Variants in CACNA1C observed in about 807,000 individuals in gnomAD.
CACNA1C encodes the protein voltage-dependent L-type calcium channel subunit alpha-1C.
In CACNA1C, 30 loss-of-function variants were observed where a neutral mutation model predicts 229.0. The ratio of observed to expected loss-of-function variants is 0.13; its 90% CI spans 0.10 to 0.18. The LOEUF is 0.18. Among genes scored for constraint, CACNA1C ranks in the 10% least tolerant of loss-of-function variants. The pLI, the probability that CACNA1C is intolerant of heterozygous loss-of-function variation, is 1.00. For missense variants in CACNA1C, 1,658 were observed against 2,845.0 expected (o/e 0.58, Z 9.49); for synonymous variants, 1,114 against 1,132.5 (o/e 0.98, Z 0.33).
At chr12:2,478,804 T>C (rs1014042394) in intron 5 of CACNA1C, among the ~76,000 whole-genome samples, 1 of 152,158 alleles carries the variant, frequency 6.6e-6, no homozygotes, top group Non-Finnish European at 1.5e-5. Context: ...CTCTCCTCCT[T>C]CTCCCACCTC....
intron 3 of CACNA1C, among the ~76,000 whole-genome samples, chr12:2,431,048 T>C (rs1397397256): frequency 6.6e-6 from 1 of 152,130 alleles, no homozygotes; most frequent in Non-Finnish European, 1.5e-5. Context: ...CGGGTGGCCA[T>C]GGGCAGGGTG....
intron 13 of CACNA1C, among the ~76,000 whole-genome samples, chr12:2,579,400 CT>C (rs1445457861): frequency 6.6e-6 from 1 of 152,034 alleles, no homozygotes; most frequent in Non-Finnish European, 1.5e-5. Flanking sequence ...CTTAAAGTTG[CT>C]GGTTCCCAAC....
chr12:2,454,828 G>A lies in CACNA1C; in HGVS notation c.618-2739G>A, dbSNP rs539513986. 2.0e-5 allele frequency among the ~76,000 whole-genome samples: 3 copies of A among 152,282 alleles called. No individual in the cohort carries two copies. In the South Asian group the frequency reaches 6.2e-4, roughly 32 times the overall value. On this transcript the variant is annotated intron_variant, in intron 4 of 46. Transcript: ENST00000399655. ...TCCTTCCCCTTTCACGTTTTCAGCT[G>A]ATGGCCTCGTTCCCCAGTTCCCTTA...
At chr12:2,174,280 G>A (rs1285694329) in intron 3 of CACNA1C, among the ~76,000 whole-genome samples, 1 of 152,172 alleles carries the variant, frequency 6.6e-6, no homozygotes, top group African/African-American at 2.4e-5. Context: ...AGAAGGGAAA[G>A]CAAGTCCCTA....
chr12:2,305,532 C>T (rs142072766), intron 3 of CACNA1C, among the ~76,000 whole-genome samples: 1 of 152,334 alleles, frequency 6.6e-6, no homozygotes, highest in Non-Finnish European at 1.5e-5. Context: ...TGGGTCATTT[C>T]TTCCCCACCC....
intron 3 of CACNA1C, among the ~76,000 whole-genome samples, chr12:2,248,245 T>C (rs2074170953): frequency 6.6e-6 from 1 of 152,194 alleles, no homozygotes; most frequent in African/African-American, 2.4e-5. Context: ...TCTATAAATA[T>C]AACCAGTGAG....
intron 3 of CACNA1C, among the ~76,000 whole-genome samples, chr12:2,271,835 G>T (rs2085147471): frequency 6.6e-6 from 1 of 152,132 alleles, no homozygotes; most frequent in African/African-American, 2.4e-5. Flanking sequence ...GTTTGAGGCT[G>T]CAGTGAGCTG....
chr12:2,077,062 C>CT (rs2154527167), intron 1 of CACNA1C, among the ~76,000 whole-genome samples: 1 of 152,346 alleles, frequency 6.6e-6, no homozygotes. Context: ...GCATTGCCCA[C>CT]TTAAGTTTGA....
At chr12:2,204,951 TTAATTAAA>T (rs2097710664) in intron 3 of CACNA1C, among the ~76,000 whole-genome samples, 1 of 67,518 alleles carries the variant, frequency 1.5e-5, no homozygotes. Flanking sequence ...AAAAAATAAA[TTAATTAAA>T]AAAAACAAAA....
chr12:2,453,720 G>T (rs972288119), intron 4 of CACNA1C, among the ~76,000 whole-genome samples: 1 of 151,850 alleles, frequency 6.6e-6, no homozygotes, highest in Non-Finnish European at 1.5e-5. Flanking sequence ...ATAGTCCCTC[G>T]CCTGTTCAGG....
chr12:2,347,340 G>C (rs2097072453), intron 3 of CACNA1C, among the ~76,000 whole-genome samples: 1 of 152,226 alleles, frequency 6.6e-6, no homozygotes, highest in Admixed American at 6.5e-5. Context: ...TTGCAGTTCA[G>C]CATCCAGTGC....
chr12:2,331,020 G>A (rs765499177), intron 3 of CACNA1C, among the ~76,000 whole-genome samples: 1 of 152,082 alleles, frequency 6.6e-6, no homozygotes, highest in Non-Finnish European at 1.5e-5. Context: ...CAATAAATTT[G>A]GGAAAGTACT....
Position 2,103,066 on chromosome 12 carries a change from G to A in CACNA1C, c.50-12158G>A, listed in dbSNP as rs148976189. ...ACATATGTGTGCATGTGTGTTTATA[G>A]TAGAATGATTTATAATCCTTTGGCT... is the stretch of plus-strand genomic sequence containing the variant. On this transcript the variant is annotated intron_variant, in intron 1 of 46. Coordinates refer to ENST00000399655, the MANE Select transcript of CACNA1C (RefSeq NM_000719.7). 5.5e-3 allele frequency among the ~76,000 whole-genome samples: 831 copies of A among 152,326 alleles called. 7 individuals carry two copies. Among genetic ancestry groups the A allele is most frequent in the African/African-American group, 0.019 (789 of 41,570 alleles).
Position 2,512,707 on chromosome 12 carries a change from C to A in CACNA1C, c.1218-105C>A. ...GTTTCTCCCTGCAAAGCAATTAAGA[C>A]TCTTGTTTCTCCTTATCTCCATCTC... On this transcript the variant is annotated intron_variant, in intron 8 of 46. Transcript: ENST00000399655. The surrounding 1 kb of genome is among the most constrained non-coding windows in gnomAD (Gnocchi z 4.3). The A allele has an allele frequency of 2.3e-6, 2 of 866,070 alleles. No individual in the cohort carries two copies. Among genetic ancestry groups the A allele is most frequent in the Non-Finnish European group, 3.5e-6 (2 of 577,078 alleles). The allele number at this position is 866,070 out of a possible 1,614,324, so 53.6% of individuals were successfully genotyped here.
At chr12:2,344,445 G>T (rs1490097048) in intron 3 of CACNA1C, among the ~76,000 whole-genome samples, 1 of 152,080 alleles carries the variant, frequency 6.6e-6, no homozygotes, top group Admixed American at 6.6e-5. Context: ...CTGTGAGTCT[G>T]TCCCCTCTCT....
chr12:2,080,600 C>CAAAA (rs763866651), intron 1 of CACNA1C, among the ~76,000 whole-genome samples: 3 of 36,714 alleles, frequency 8.2e-5, no homozygotes, highest in African/African-American at 4.1e-4. Flanking sequence ...GACTCTGTCT[C>CAAAA]AAAAAAAAAA....
chr12:1,972,457 T>G (rs762964911), intron 1 of CACNA1C, among the ~76,000 whole-genome samples: 46 of 152,292 alleles, frequency 3.0e-4, no homozygotes, highest in Admixed American at 1.6e-3. Flanking sequence ...ACACAGCTAC[T>G]AGGCATTTGA....
At chr12:1,980,711 G>A (rs1368628932) in intron 1 of CACNA1C, among the ~76,000 whole-genome samples, 3 of 107,222 alleles carry the variant, frequency 2.8e-5, no homozygotes, top group Middle Eastern at 5.3e-3. Context: ...TATTTATTTC[G>A]TTGCTTCTAT....
chr12:1,976,802 T>C (rs755561914), intron 1 of CACNA1C, among the ~76,000 whole-genome samples: 9 of 142,066 alleles, frequency 6.3e-5, no homozygotes, highest in Non-Finnish European at 1.1e-4. Flanking sequence ...TCTAAAACAA[T>C]GTCTGGCACA....
Sources: gnomAD v4.1 joint callset for allele counts (sites outside exome capture counted in the v4.1 genomes callset) on GRCh38, gnomAD v4.1.1 for gene constraint, Gnocchi (gnomAD v3.1) non-coding constraint, MANE v1.5 for transcripts, NCBI Gene and HGNC (gene_info 2026-07-23, HGNC 2026-07-21) for gene names.